Variants in IQSEC3 observed in about 807,000 individuals in gnomAD.
IQSEC3 encodes IQ motif and Sec7 domain ArfGEF 3, also known as IQ motif and SEC7 domain-containing protein 3.
IQSEC3 carries 50 observed loss-of-function variants against 105.4 expected under a neutral mutation model. That is an observed-to-expected ratio of 0.47 (90% CI 0.38 to 0.60). The LOEUF is 0.60. IQSEC3 is among the 20% of genes least tolerant of loss of function. The pLI is 0.00. For missense variants in IQSEC3, 1,415 were observed against 1,630.0 expected, an observed-to-expected ratio of 0.87 and a Z score of 2.27; for synonymous variants, 708 against 746.0, an observed-to-expected ratio of 0.95 and a Z score of 0.83.
At chr12:111,118 G>A (rs1864871700) in intron 2 of IQSEC3, among the ~76,000 whole-genome samples, 3 of 152,128 alleles carry the variant, frequency 2.0e-5, no homozygotes, top group Non-Finnish European at 4.4e-5. Flanking sequence ...TTGGGTGAGG[G>A]CTTTTTACTA....
chr12:114,564 A>T (rs1306331161), intron 2 of IQSEC3, among the ~76,000 whole-genome samples: 3 of 152,254 alleles, frequency 2.0e-5, no homozygotes, highest in Non-Finnish European at 4.4e-5. Flanking sequence ...CAAAGAAGCT[A>T]AAGACCCGGA....
chr12:109,429 C>T (rs782553021), intron 2 of IQSEC3, among the ~76,000 whole-genome samples: 3 of 152,164 alleles, frequency 2.0e-5, no homozygotes, highest in Admixed American at 1.3e-4. Context: ...TGACGGCTGC[C>T]CCTGGTGGAC....
At chr12:146,553 G>C (rs556788827) in intron 5 of IQSEC3, among the ~76,000 whole-genome samples, 374 of 152,298 alleles carry the variant, frequency 2.5e-3, no homozygotes, top group Non-Finnish European at 4.5e-3. Context: ...GGCCAAGGCA[G>C]GGGAATCACT....
chr12:163,454 G>A, intron 8 of IQSEC3, 40 bp from the exon 9 acceptor site: 1 of 1,557,534 alleles, frequency 6.4e-7, no homozygotes, highest in Non-Finnish European at 8.7e-7. Flanking sequence ...AGGCCTCCAG[G>A]CCTCTGGTCT....
chr12:90,366 TG>T (rs1429912130), intron 1 of IQSEC3, among the ~76,000 whole-genome samples: 1 of 152,034 alleles, frequency 6.6e-6, no homozygotes, highest in East Asian at 1.9e-4. Flanking sequence ...TTTTGTTTCG[TG>T]GCTTGTGCTT....
At position 165,756 on chromosome 12, in the gene IQSEC3, C is replaced by T; in HGVS notation, c.2837C>T (p.Thr946Ile). ...EYYSHGITLV[T>I]PLSGSEKKQV... ...TACTCTCATGGCATCACACTGGTGA[C>T]CCCGCTCTCGGGCTCCGAGAAGAAG... The change falls in exon 11 of 14, where the codon ACC becomes ATC. Residue 946 changes from threonine (T) to isoleucine (I), a missense_variant. This residue lies in a region of IQSEC3 where 419 missense variants were observed against 436.2 expected (regional missense o/e 0.96). Transcript: ENST00000538872. The T allele has an allele frequency of 6.2e-7, 1 of 1,613,894 alleles. No individual in the cohort carries two copies. Among genetic ancestry groups the T allele is most frequent in the Non-Finnish European group, 8.5e-7 (1 of 1,180,034 alleles).
intron 5 of IQSEC3, among the ~76,000 whole-genome samples, chr12:146,667 GAA>G (rs1205844841): frequency 3.2e-4 from 45 of 141,072 alleles, no homozygotes; most frequent in African/African-American, 1.1e-3. Flanking sequence ...AAAGAAGAAA[GAA>G]AGAGAGAAAG....
intron 7 of IQSEC3, among the ~76,000 whole-genome samples, chr12:161,311 C>A (rs1484418130): frequency 6.6e-6 from 1 of 152,182 alleles, no homozygotes; most frequent in African/African-American, 2.4e-5. Flanking sequence ...ATATTTCCTG[C>A]CAGTGTTTTT....
At position 125,859 on chromosome 12, in the gene IQSEC3, C is replaced by T. The variant is rs1270779125; in HGVS notation, c.850C>T (p.His284Tyr). 6.5e-7 allele frequency: 1 copy of T among 1,533,520 alleles called. No homozygotes were observed. The highest frequency in any genetic ancestry group is 1.4e-5 in the African/African-American group (1 of 72,866). The allele number at this position is 1,533,520 out of a possible 1,614,324, so 95.0% of individuals were successfully genotyped here. The stretch of plus-strand genomic sequence containing the variant: ...TGCCCTGGCGACGGCGCTGTGCCCC[C>T]ACGCCCCTGCCGCCTCCGATTACGA... ...QPALATALCP[H>Y]APAASDYELS... is the part of the protein sequence containing the mutation. The change falls in exon 3 of 14, where the codon CAC (histidine) becomes TAC (tyrosine). Residue 284 changes from histidine to tyrosine, a missense_variant. His to Tyr is a moderately conservative substitution (Grantham distance 83, BLOSUM62 2). This residue lies in a region of IQSEC3 where 720 missense variants were observed against 633.0 expected (regional missense o/e 1.14). Transcript: ENST00000538872.
intron 12 of IQSEC3, 56 bp downstream of exon 12, chr12:169,161 T>C: frequency 7.0e-7 from 1 of 1,433,082 alleles, no homozygotes; most frequent in Non-Finnish European, 9.8e-7. Context: ...TCGGGGACCC[T>C]GGGTGTGGGT....
rs2137039265 is a variant in IQSEC3, at chr12:157,019, C to T, written c.2154-6C>T. On this transcript the variant is annotated splice_polypyrimidine_tract_variant and splice_region_variant and intron_variant, in intron 5 of 13. Coordinates refer to ENST00000538872, the MANE Select transcript of IQSEC3 (RefSeq NM_001170738.2). ...CTGACCTCACACCCTCCCTGCCTGCCCTCAGCTGCGTGGTGGACGAGATGG... is the reference window on the plus strand; with the variant it reads ...CTGACCTCACACCCTCCCTGCCTGCTCTCAGCTGCGTGGTGGACGAGATGG... The T allele has an allele frequency of 6.3e-7, 1 of 1,591,804 alleles. No individual in the cohort carries two copies. The highest frequency in any genetic ancestry group is 1.1e-5 in the South Asian group (1 of 87,076).
intron 1 of IQSEC3, among the ~76,000 whole-genome samples, chr12:69,777 C>T (rs1198846512): frequency 6.6e-6 from 1 of 152,276 alleles, no homozygotes; most frequent in Non-Finnish European, 1.5e-5. Flanking sequence ...CCCCACAGAG[C>T]TCAGGACGGA....
At chr12:117,242 G>A (rs1027424483) in intron 2 of IQSEC3, among the ~76,000 whole-genome samples, 35 of 152,190 alleles carry the variant, frequency 2.3e-4, no homozygotes, top group African/African-American at 8.4e-4. Context: ...GGTGTACAGT[G>A]AGCTGTGTCT....
In IQSEC3 at chr12:76,034, C is replaced by T. The variant is rs138990854; in HGVS notation, c.554+8598C>T. 9.7e-3 allele frequency among the ~76,000 whole-genome samples: 1,481 copies of T among 152,182 alleles called. 17 individuals carry two copies. Among genetic ancestry groups the T allele is most frequent in the African/African-American group, 0.034 (1,406 of 41,420 alleles). The stretch of plus-strand genomic sequence containing the variant: ...CCTCTGCCCCCAGCCTCTGACCACT[C>T]TGTCAGCCCAGGAAGCTGCATTAAG... On this transcript the variant is annotated intron_variant, in intron 1 of 13. Transcript: ENST00000538872.
chr12:138,218 C>A lies in IQSEC3; in HGVS notation c.904-49C>A. On this transcript the variant is annotated intron_variant, in intron 3 of 13. Transcript: ENST00000538872. The surrounding 1 kb of genome is among the most constrained non-coding windows in gnomAD (Gnocchi z 7.1). ...CTCCACCACTCCTCAGAAGGGCTGA[C>A]CACCCTTCCCCTCTGAGCCCTTCCT... The A allele has an allele frequency of 6.6e-7, 1 of 1,518,950 alleles. No homozygotes were observed. Among genetic ancestry groups the A allele is most frequent in the Non-Finnish European group, 9.0e-7 (1 of 1,113,442 alleles). 94.1% of individuals were successfully genotyped at this position (1,518,950 alleles called of 1,614,324 possible). A position where few individuals can be genotyped will look rare whatever the true frequency, so the allele number is the denominator to read the frequency against.
chr12:108,494 G>A (rs980412331), intron 2 of IQSEC3, among the ~76,000 whole-genome samples: 10 of 152,194 alleles, frequency 6.6e-5, no homozygotes, highest in African/African-American at 2.4e-4. Context: ...ACTCAGGATG[G>A]CCTATTCACA....
In IQSEC3 at chr12:139,020, TC is replaced by T; in HGVS notation, c.1658del (p.Ser553TyrfsTer45). ...VGREDASAED[S>X]CAEAAASGAA... Reference sequence around the variant, plus strand: ...CCGGGAGGACGCGTCAGCCGAGGACTCATGCGCAGAGGCTGCGGCTAGTGGG... The same window carrying T: ...CCGGGAGGACGCGTCAGCCGAGGACTATGCGCAGAGGCTGCGGCTAGTGGG... On this transcript the variant is annotated frameshift_variant, in exon 4 of 14. Transcript: ENST00000538872. LOFTEE classifies it high-confidence loss of function. The T allele has an allele frequency of 6.6e-7, 1 of 1,509,518 alleles. No individual in the cohort carries two copies. Among genetic ancestry groups the T allele is most frequent in the South Asian group, 1.3e-5 (1 of 78,742 alleles). The allele number at this position is 1,509,518 out of a possible 1,614,324, so 93.5% of individuals were successfully genotyped here. A position where few individuals can be genotyped will look rare whatever the true frequency, so the allele number is the denominator to read the frequency against.
In IQSEC3 at chr12:67,303, C is replaced by A. The variant is rs1422175864; in HGVS notation, c.421C>A (p.His141Asn). 1 of 1,598,300 alleles carries A rather than the reference C, an allele frequency of 6.3e-7. No homozygotes were observed. The highest frequency in any genetic ancestry group is 1.3e-5 in the African/African-American group (1 of 74,896). ...TCACACACCCCAGTCGCCCCACAAG[C>A]ATCTGGGGACACAAGGGGCCGTGAC... is the stretch of plus-strand genomic sequence containing the variant. ...RAHTPQSPHKHLGTQGAVTDK... is the reference protein window; with the variant it reads ...RAHTPQSPHKNLGTQGAVTDK... The change falls in exon 1 of 14, where the codon CAT becomes AAT. Residue 141 changes from histidine (H) to asparagine (N), a missense_variant. Coordinates refer to ENST00000538872, the MANE Select transcript of IQSEC3 (RefSeq NM_001170738.2).
intron 2 of IQSEC3, among the ~76,000 whole-genome samples, chr12:121,865 T>C (rs989618662): frequency 1.3e-5 from 2 of 152,162 alleles, no homozygotes; most frequent in African/African-American, 4.8e-5. Context: ...GTGTGCTTTA[T>C]TTTTTCCTGA....
Sources: allele counts gnomAD v4.1 joint callset (sites outside exome capture counted in the v4.1 genomes callset), GRCh38; gene constraint gnomAD v4.1.1; regional missense constraint gnomAD v4.1.1; non-coding constraint Gnocchi (gnomAD v3.1); transcripts MANE v1.5; gene names NCBI Gene and HGNC (gene_info 2026-07-23, HGNC 2026-07-21).